The following RIT2 variants were observed in gnomAD, a reference collection of about 807,000 sequenced individuals.
The protein encoded by RIT2 is Ras like without CAAX 2, also known as GTP-binding protein Rit2.
RIT2 carries 24 observed loss-of-function variants against 23.7 expected under a neutral mutation model. That is an observed-to-expected ratio of 1.01 (90% CI 0.73 to 1.43). RIT2 has a LOEUF of 1.43. Among genes scored for constraint, RIT2 ranks in the 40% most tolerant of loss-of-function variants. The pLI is 0.00. For missense variants in RIT2, 236 were observed against 266.9 expected, an observed-to-expected ratio of 0.88 and a Z score of 0.81; for synonymous variants, 107 against 91.1, an observed-to-expected ratio of 1.17 and a Z score of -0.99.
At chr18:42,832,805 C>A (rs184445951) in intron 4 of RIT2, among the ~76,000 whole-genome samples, 81 of 152,154 alleles carry the variant, frequency 5.3e-4, no homozygotes, top group African/African-American at 1.6e-3. Context: ...GTAATCCCAG[C>A]ACTTTGGGAG....
intron 2 of RIT2, among the ~76,000 whole-genome samples, chr18:42,982,162 C>A (rs1183033797): frequency 6.6e-6 from 1 of 152,150 alleles, no homozygotes; most frequent in African/African-American, 2.4e-5. Flanking sequence ...AACTCTTAGT[C>A]GGAAGCCAAA....
At chr18:42,891,692 T>C (rs147200897) in intron 4 of RIT2, among the ~76,000 whole-genome samples, 24 of 152,184 alleles carry the variant, frequency 1.6e-4, no homozygotes, top group African/African-American at 5.8e-4. Flanking sequence ...CTGGAAAAGG[T>C]GCAACTATGG....
chr18:43,060,735 C>A (rs1427330740), intron 1 of RIT2, among the ~76,000 whole-genome samples: 1 of 152,140 alleles, frequency 6.6e-6, no homozygotes, highest in Non-Finnish European at 1.5e-5. Flanking sequence ...TGAACTAAAA[C>A]ACAGTGACTA....
chr18:42,989,635 G>A (rs761888859), intron 2 of RIT2, among the ~76,000 whole-genome samples: 1 of 152,124 alleles, frequency 6.6e-6, no homozygotes, highest in Non-Finnish European at 1.5e-5. Context: ...CTAGTCACAT[G>A]TCAAGAACAT....
chr18:42,919,559 CA>C (rs199517669), intron 4 of RIT2, among the ~76,000 whole-genome samples: 7,599 of 151,978 alleles, frequency 0.05, 219 homozygotes, highest in Middle Eastern at 0.071. Flanking sequence ...ACTAAAAATA[CA>C]AAAATTAGCT....
intron 3 of RIT2, among the ~76,000 whole-genome samples, chr18:42,937,615 C>T (rs1767664626): frequency 6.6e-6 from 1 of 152,114 alleles, no homozygotes; most frequent in Admixed American, 6.5e-5. Flanking sequence ...AACTGCAAAG[C>T]TGGTTTACTT....
intron 1 of RIT2, among the ~76,000 whole-genome samples, chr18:43,034,491 C>A (rs530426502): frequency 6.6e-6 from 1 of 152,016 alleles, no homozygotes; most frequent in South Asian, 2.1e-4. Context: ...TGTAATATTT[C>A]TATTGTAAAG....
chr18:43,105,106 G>C (rs982448911), intron 1 of RIT2, among the ~76,000 whole-genome samples: 1 of 146,142 alleles, frequency 6.8e-6, no homozygotes, highest in South Asian at 2.1e-4. Flanking sequence ...TGTGCTGTGT[G>C]TGTGTGTGTG....
chr18:42,819,566 T>C (rs757843669), intron 4 of RIT2, among the ~76,000 whole-genome samples: 9 of 152,104 alleles, frequency 5.9e-5, no homozygotes, highest in Non-Finnish European at 1.3e-4. Context: ...AGTACATCTT[T>C]ATGTGTATCT....
At chr18:42,964,198 A>G (rs1163703477) in intron 3 of RIT2, among the ~76,000 whole-genome samples, 1 of 151,832 alleles carries the variant, frequency 6.6e-6, no homozygotes, top group East Asian at 1.9e-4. Context: ...CTCAAAAAAT[A>G]ATAATAATAA....
chr18:43,070,021 G>A (rs1412297670), intron 1 of RIT2, among the ~76,000 whole-genome samples: 1 of 152,038 alleles, frequency 6.6e-6, no homozygotes, highest in Non-Finnish European at 1.5e-5. Flanking sequence ...AGTCCCCGTA[G>A]CCAGAAAAGA....
intron 1 of RIT2, among the ~76,000 whole-genome samples, chr18:43,057,797 A>ATTTTTTTTTTTTTTTTTT (rs1306990856): frequency 1.2e-5 from 1 of 85,026 alleles, no homozygotes; most frequent in African/African-American, 5.8e-5. Flanking sequence ...AGTGATGGAC[A>ATTTTTTTTTTTTTTTTTT]CTTTTTTTTT....
At chr18:43,000,792 C>A (rs780318988) in intron 2 of RIT2, among the ~76,000 whole-genome samples, 5 of 151,958 alleles carry the variant, frequency 3.3e-5, no homozygotes, top group Non-Finnish European at 5.9e-5. Context: ...GCCTCCCCAG[C>A]CATGTGGAAC....
At chr18:42,831,868 G>T (rs1305767609) in intron 4 of RIT2, among the ~76,000 whole-genome samples, 1 of 152,138 alleles carries the variant, frequency 6.6e-6, no homozygotes, top group Non-Finnish European at 1.5e-5. Context: ...TAACCCTGCT[G>T]CTAGCCCTCC....
intron 4 of RIT2, among the ~76,000 whole-genome samples, chr18:42,893,560 A>T (rs1216542941): frequency 6.6e-6 from 1 of 152,128 alleles, no homozygotes; most frequent in African/African-American, 2.4e-5. Flanking sequence ...TTTGCATTGG[A>T]GGTTAGATTT....
intron 4 of RIT2, among the ~76,000 whole-genome samples, chr18:42,744,312 T>C (rs996427925): frequency 6.6e-6 from 1 of 152,172 alleles, no homozygotes; most frequent in Non-Finnish European, 1.5e-5. Context: ...ACTGTGGACC[T>C]CAGTCACATT....
At chr18:43,050,742 C>T (rs867624989) in intron 1 of RIT2, among the ~76,000 whole-genome samples, 1 of 151,940 alleles carries the variant, frequency 6.6e-6, no homozygotes, top group Non-Finnish European at 1.5e-5. Context: ...GGAGGCAATG[C>T]TAACATTGTG....
At chr18:43,003,112 C>T (rs1911146430) in intron 2 of RIT2, among the ~76,000 whole-genome samples, 1 of 151,920 alleles carries the variant, frequency 6.6e-6, no homozygotes, top group African/African-American at 2.4e-5. Context: ...TGGCTGGTAC[C>T]TTGATGTTAG....
At chr18:42,870,872 C>A (rs918787245) in intron 4 of RIT2, among the ~76,000 whole-genome samples, 2 of 152,122 alleles carry the variant, frequency 1.3e-5, no homozygotes, top group Non-Finnish European at 2.9e-5. Flanking sequence ...CTTTCAATAG[C>A]CTTATAGTAC....
Sources: gnomAD v4.1 joint callset for allele counts (sites outside exome capture counted in the v4.1 genomes callset) on GRCh38, gnomAD v4.1.1 for gene constraint, MANE v1.5 for transcripts, NCBI Gene and HGNC (gene_info 2026-07-23, HGNC 2026-07-21) for gene names.